LRRFIP1: variants seen among roughly 807,000 people sequenced by gnomAD.
The protein encoded by LRRFIP1 is LRR binding FLII interacting protein 1, also known as leucine-rich repeat flightless-interacting protein 1.
A neutral mutation model predicts 104.4 loss-of-function variants in LRRFIP1; 62 were observed. That is an observed-to-expected ratio of 0.59 (90% CI 0.48 to 0.73). LRRFIP1 has a LOEUF of 0.73. LRRFIP1 is among the 30% of genes least tolerant of loss of function. The probability of loss-of-function intolerance (pLI) is 0.00; values close to 1 mark genes in which losing one functional copy is unlikely to be tolerated. For missense variants in LRRFIP1, 796 were observed against 824.5 expected, an observed-to-expected ratio of 0.97 and a Z score of 0.42; for synonymous variants, 300 against 299.0, an observed-to-expected ratio of 1.00 and a Z score of -0.03.
At chr2:237,633,566 C>T (rs920899242) in intron 1 of LRRFIP1, among the ~76,000 whole-genome samples, 8 of 147,940 alleles carry the variant, frequency 5.4e-5, no homozygotes, top group African/African-American at 2.1e-4. Flanking sequence ...CCCCCGTGAG[C>T]CCTGCCCGTC....
At chr2:237,633,458 C>A (rs2082674822) in intron 1 of LRRFIP1, among the ~76,000 whole-genome samples, 1 of 152,128 alleles carries the variant, frequency 6.6e-6, no homozygotes, top group African/African-American at 2.4e-5. Context: ...TGTCTCCCTT[C>A]TTCCTTTTCT....
intron 19 of LRRFIP1, chr2:237,769,628 T>C (rs1024115674): frequency 9.2e-6 from 3 of 325,910 alleles, no homozygotes; most frequent in African/African-American, 2.1e-5. Flanking sequence ...CCATGAAGCC[T>C]GTGAGATCTT....
At chr2:237,714,136 C>G in intron 2 of LRRFIP1, 123 bp from the exon 3 acceptor site, 2 of 604,834 alleles carry the variant, frequency 3.3e-6, no homozygotes. Context: ...TTCTTATTCA[C>G]ATTTTACTGT....
intron 15 of LRRFIP1, among the ~76,000 whole-genome samples, chr2:237,753,831 T>G (rs1200171411): frequency 1.5e-5 from 2 of 132,514 alleles, no homozygotes; most frequent in Admixed American, 7.6e-5. Flanking sequence ...GGTGTGTGTG[T>G]GTGTGTGTGT....
intron 11 of LRRFIP1, among the ~76,000 whole-genome samples, chr2:237,744,010 A>G (rs945869020): frequency 6.6e-6 from 1 of 152,198 alleles, no homozygotes; most frequent in African/African-American, 2.4e-5. Context: ...ATGAACTCAG[A>G]TCTCTGCCCA....
rs116245083 is a variant in LRRFIP1, at chr2:237,713,922, C to T, written c.184-337C>T. Among the ~76,000 whole-genome samples the T allele has an allele frequency of 8.9e-3, 1,348 of 152,174 alleles. 20 individuals are homozygous for T. Among genetic ancestry groups the T allele is most frequent in the African/African-American group, 0.03 (1,247 of 41,492 alleles). On this transcript the variant is annotated intron_variant, in intron 2 of 23. Transcript: ENST00000308482. ...TACTTTTTGATTAAACTTTTATTAC[C>T]GCAAAAAGAAATTCTGAATTAAAGA...
chr2:237,715,689 C>T (rs556377547), intron 3 of LRRFIP1, among the ~76,000 whole-genome samples: 58 of 152,342 alleles, frequency 3.8e-4, no homozygotes, highest in Middle Eastern at 3.4e-3. Context: ...ATTGCGCCTC[C>T]GGCCCAGCCA....
intron 1 of LRRFIP1, among the ~76,000 whole-genome samples, chr2:237,704,237 C>T (rs1324659442): frequency 6.6e-6 from 1 of 151,142 alleles, no homozygotes; most frequent in Admixed American, 6.6e-5. Flanking sequence ...ACCGCAACCT[C>T]CACCTCCCAG....
At chr2:237,767,232 G>A (rs754232202) in intron 19 of LRRFIP1, among the ~76,000 whole-genome samples, 1 of 151,994 alleles carries the variant, frequency 6.6e-6, no homozygotes, top group Non-Finnish European at 1.5e-5. Flanking sequence ...CATATAAGAA[G>A]GTATAGAAAT....
chr2:237,776,343 C>G (rs542954747), intron 23 of LRRFIP1, among the ~76,000 whole-genome samples: 1 of 152,206 alleles, frequency 6.6e-6, no homozygotes, highest in Non-Finnish European at 1.5e-5. Context: ...TCAATACTTG[C>G]TTAATGGCCT....
chr2:237,729,205 G>C (rs1299101799), intron 8 of LRRFIP1, among the ~76,000 whole-genome samples: 1 of 152,178 alleles, frequency 6.6e-6, no homozygotes, highest in Non-Finnish European at 1.5e-5. Flanking sequence ...GGGATTACAG[G>C]CATGAGCCAT....
chr2:237,775,371 G>A (rs2060993227), intron 23 of LRRFIP1, among the ~76,000 whole-genome samples: 1 of 152,232 alleles, frequency 6.6e-6, no homozygotes, highest in Admixed American at 6.5e-5. Context: ...AGCGGTGGAG[G>A]CCAAGTGAGC....
chr2:237,763,947 A>C (rs2060103536), intron 19 of LRRFIP1: 1 of 1,614,116 alleles, frequency 6.2e-7, no homozygotes, highest in African/African-American at 1.3e-5. Context: ...TGTGAAGCAG[A>C]AAGTACAGAG....
chr2:237,726,551 T>C (rs116297961), intron 7 of LRRFIP1, among the ~76,000 whole-genome samples: 1,621 of 152,338 alleles, frequency 0.011, 35 homozygotes, highest in African/African-American at 0.037. Flanking sequence ...CATTTAATCC[T>C]CACGATGGCT....
At chr2:237,657,233 A>C (rs1234968995) in intron 1 of LRRFIP1, among the ~76,000 whole-genome samples, 1 of 152,230 alleles carries the variant, frequency 6.6e-6, no homozygotes, top group African/African-American at 2.4e-5. Context: ...AATGAAACAG[A>C]AATAAAGAGA....
Position 237,753,390 on chromosome 2 carries a change from A to C in LRRFIP1, c.949A>C (p.Met317Leu). The C allele has an allele frequency of 1.9e-6, 3 of 1,606,364 alleles. No individual in the cohort carries two copies. Among genetic ancestry groups the C allele is most frequent in the South Asian group, 2.2e-5 (2 of 88,942 alleles). ...AQLDNEKTNF[M>L]YQVDTLKDML... ...GCTAGACAATGAAAAGACAAACTTCATGTACCAGGTTGATACCCTAAAAGA... is the reference window on the plus strand; with the variant it reads ...GCTAGACAATGAAAAGACAAACTTCCTGTACCAGGTTGATACCCTAAAAGA... Residue 317 changes from methionine (M) to leucine (L), a missense_variant, in exon 15 of 24, where the codon ATG (methionine) becomes CTG (leucine). Transcript: ENST00000308482.
At chr2:237,723,175 T>G (rs2094595645) in intron 6 of LRRFIP1, among the ~76,000 whole-genome samples, 1 of 152,206 alleles carries the variant, frequency 6.6e-6, no homozygotes, top group Non-Finnish European at 1.5e-5. Context: ...CGAGTTTAGA[T>G]TTTCTGGAAA....
At chr2:237,779,163 G>A (rs1463165394) in intron 23 of LRRFIP1, among the ~76,000 whole-genome samples, 11 of 151,874 alleles carry the variant, frequency 7.2e-5, no homozygotes, top group African/African-American at 2.4e-4. Context: ...GCAGTGAGCC[G>A]AGATCACGCC....
chr2:237,757,802 G>A (rs10192054), intron 17 of LRRFIP1, among the ~76,000 whole-genome samples: 14,146 of 152,040 alleles, frequency 0.093, 1,129 homozygotes, highest in African/African-American at 0.22. Flanking sequence ...CGCTCTGCCT[G>A]CCCCGTGGCT....
Sources: allele counts gnomAD v4.1 joint callset (sites outside exome capture counted in the v4.1 genomes callset), GRCh38; gene constraint gnomAD v4.1.1; transcripts MANE v1.5; gene names NCBI Gene and HGNC (gene_info 2026-07-23, HGNC 2026-07-21).